SYNPR: variants seen among roughly 807,000 people sequenced by gnomAD.
SYNPR encodes synaptoporin.
A neutral mutation model predicts 32.9 loss-of-function variants in SYNPR; 23 were observed. The ratio of observed to expected loss-of-function variants is 0.70; its 90% CI spans 0.50 to 0.99. The LOEUF is 0.99. Ranked by LOEUF, SYNPR falls within the 50% of genes least tolerant of loss-of-function variation. The pLI, the probability that SYNPR is intolerant of heterozygous loss-of-function variation, is 0.00. For synonymous variants in SYNPR, 146 were observed against 135.9 expected (o/e 1.07, Z -0.52); for missense variants, 318 against 349.3 (o/e 0.91, Z 0.71).
At position 63,577,404 on chromosome 3, in the gene SYNPR, C is replaced by G. The variant is rs35380764; in HGVS notation, c.408+20663C>G. On this transcript the variant is annotated intron_variant, in intron 4 of 5. Transcript: ENST00000478300. ...CCAAGACCCACATGGAGAGGAAAGC[C>G]AATAGCTATATATGAAGAAAGGACA... Among the ~76,000 whole-genome samples the G allele has an allele frequency of 7.9e-3, 1,204 of 152,094 alleles. 7 individuals carry two copies. The highest frequency in any genetic ancestry group is 0.013 in the Non-Finnish European group (851 of 67,982).
intron 2 of SYNPR, among the ~76,000 whole-genome samples, chr3:63,451,774 C>T (rs1700383995): frequency 6.6e-6 from 1 of 152,184 alleles, no homozygotes; most frequent in African/African-American, 2.4e-5. Flanking sequence ...CTGGGTTTCT[C>T]ATTAGCCCCC....
At chr3:63,597,309 G>T (rs1699976217) in intron 4 of SYNPR, among the ~76,000 whole-genome samples, 1 of 152,076 alleles carries the variant, frequency 6.6e-6, no homozygotes, top group South Asian at 2.1e-4. Flanking sequence ...TAGAAATCCA[G>T]CATTATTAAC....
intron 2 of SYNPR, among the ~76,000 whole-genome samples, chr3:63,317,488 T>C (rs2087055648): frequency 6.6e-6 from 1 of 152,018 alleles, no homozygotes; most frequent in South Asian, 2.1e-4. Context: ...TTATATAATG[T>C]CCCTTTGTTT....
chr3:63,480,730 C>G, intron 2 of SYNPR, 102 bp from the exon 3 acceptor site: 1 of 1,432,656 alleles, frequency 7.0e-7, no homozygotes, highest in South Asian at 1.5e-5. Flanking sequence ...TCAGAAGGAC[C>G]ATAAATTCCC....
chr3:63,329,662 T>G (rs1001918691), intron 2 of SYNPR, among the ~76,000 whole-genome samples: 2 of 152,204 alleles, frequency 1.3e-5, no homozygotes, highest in Non-Finnish European at 1.5e-5. Flanking sequence ...AAGAGTCCCC[T>G]TCAACTCACG....
intron 2 of SYNPR, among the ~76,000 whole-genome samples, chr3:63,363,453 G>T (rs1231909448): frequency 6.6e-6 from 1 of 152,118 alleles, no homozygotes; most frequent in Non-Finnish European, 1.5e-5. Context: ...ATCTATAGCT[G>T]GTAGGTGGCT....
chr3:63,510,092 G>A (rs1221421270), intron 3 of SYNPR, among the ~76,000 whole-genome samples: 1 of 152,050 alleles, frequency 6.6e-6, no homozygotes, highest in African/African-American at 2.4e-5. Context: ...GTGAGTATGT[G>A]GCAGTAGAAG....
At chr3:63,596,701 C>T (rs945951879) in intron 4 of SYNPR, among the ~76,000 whole-genome samples, 19 of 152,114 alleles carry the variant, frequency 1.2e-4, no homozygotes, top group African/African-American at 4.3e-4. Context: ...GGCATGCTGG[C>T]CTTGTCAAAG....
At chr3:63,209,175 G>C in the SYNPR span, among the ~76,000 whole-genome samples, 2 of 151,988 alleles carry the variant, frequency 1.3e-5, no homozygotes, top group African/African-American at 4.8e-5. Context: ...AAAACTAGCC[G>C]GGCGAGGTGG....
At chr3:63,467,362 T>G (rs571748223) in intron 2 of SYNPR, among the ~76,000 whole-genome samples, 2 of 152,342 alleles carry the variant, frequency 1.3e-5, no homozygotes, top group African/African-American at 4.8e-5. Flanking sequence ...GTTTTTAAAC[T>G]AATGAATTTG....
chr3:63,300,572 T>C (rs894113858), intron 2 of SYNPR, among the ~76,000 whole-genome samples: 3 of 152,046 alleles, frequency 2.0e-5, no homozygotes. Context: ...TACCAAAAGG[T>C]AGTCCCTGCT....
chr3:63,211,636 T>C, the SYNPR span, among the ~76,000 whole-genome samples: 1 of 152,108 alleles, frequency 6.6e-6, no homozygotes, highest in Admixed American at 6.5e-5. Flanking sequence ...TAGCCTGCCA[T>C]ATCAGCTTCC....
At chr3:63,609,722 C>G (rs937967241) in intron 5 of SYNPR, among the ~76,000 whole-genome samples, 1 of 152,098 alleles carries the variant, frequency 6.6e-6, no homozygotes, top group African/African-American at 2.4e-5. Flanking sequence ...GACTGGCCAA[C>G]ATGGTGAAAC....
At chr3:63,231,987 A>G (rs928755225) in intron 1 of SYNPR, among the ~76,000 whole-genome samples, 1 of 152,202 alleles carries the variant, frequency 6.6e-6, no homozygotes, top group South Asian at 2.1e-4. Context: ...CTATATTTCT[A>G]CCATTAAAAA....
intron 4 of SYNPR, among the ~76,000 whole-genome samples, chr3:63,578,014 C>T (rs1703017815): frequency 6.6e-6 from 1 of 152,180 alleles, no homozygotes; most frequent in Non-Finnish European, 1.5e-5. Context: ...TGAAGGCTTA[C>T]TACATGACAG....
intron 2 of SYNPR, among the ~76,000 whole-genome samples, chr3:63,321,504 G>C (rs1308490478): frequency 6.6e-6 from 1 of 152,054 alleles, no homozygotes; most frequent in African/African-American, 2.4e-5. Context: ...ACAGAAGAAA[G>C]AGCAATTAAT....
chr3:63,579,150 T>C (rs1703045512), intron 4 of SYNPR, among the ~76,000 whole-genome samples: 1 of 152,154 alleles, frequency 6.6e-6, no homozygotes, highest in South Asian at 2.1e-4. Flanking sequence ...GTATATTTGT[T>C]ATCACATCCT....
chr3:63,204,275 A>G, the SYNPR span, among the ~76,000 whole-genome samples: 1 of 152,074 alleles, frequency 6.6e-6, no homozygotes, highest in African/African-American at 2.4e-5. Flanking sequence ...CCCTCCGAAG[A>G]CTCTAGGGTT....
chr3:63,265,632 T>C (rs1290420750), intron 2 of SYNPR, among the ~76,000 whole-genome samples: 1 of 152,190 alleles, frequency 6.6e-6, no homozygotes, highest in African/African-American at 2.4e-5. Flanking sequence ...CTTTCCTCCT[T>C]CTTTAGCTTT....
Sources: gnomAD v4.1 joint callset for allele counts (sites outside exome capture counted in the v4.1 genomes callset) on GRCh38, gnomAD v4.1.1 for gene constraint, MANE v1.5 for transcripts, NCBI Gene and HGNC (gene_info 2026-07-23, HGNC 2026-07-21) for gene names.